The following CHL1 variants were observed in gnomAD, a reference collection of about 807,000 sequenced individuals.
CHL1 encodes neural cell adhesion molecule L1-like protein.
A neutral mutation model predicts 141.9 loss-of-function variants in CHL1; 96 were observed. The observed-to-expected ratio is 0.68, with a 90% CI of 0.57 to 0.80. The LOEUF is 0.80. CHL1 is among the 30% of genes least tolerant of loss of function. CHL1 has a pLI of 0.00. For synonymous variants in CHL1, 613 were observed against 502.2 expected (o/e 1.22, Z -2.95); for missense variants, 1,820 against 1,457.2 (o/e 1.25, Z -4.05).
At chr3:228,937 C>A (rs1369851812) in intron 1 of CHL1, among the ~76,000 whole-genome samples, 1 of 152,074 alleles carries the variant, frequency 6.6e-6, no homozygotes, top group Non-Finnish European at 1.5e-5. Flanking sequence ...GAAAAAAAAA[C>A]TGATTTAAAT....
At chr3:339,258 T>C (rs1702175857) in intron 5 of CHL1, among the ~76,000 whole-genome samples, 1 of 152,204 alleles carries the variant, frequency 6.6e-6, no homozygotes, top group Admixed American at 6.5e-5. Context: ...GTCTATAAGG[T>C]GTACTTTCTG....
At chr3:403,665 C>G (rs1709318952) in intron 27 of CHL1, among the ~76,000 whole-genome samples, 1 of 152,124 alleles carries the variant, frequency 6.6e-6, no homozygotes, top group Non-Finnish European at 1.5e-5. Flanking sequence ...ACCCATTTCC[C>G]CACACCCTGC....
rs149901151 is a variant in CHL1 at position 350,641 on chromosome 3, T to A, written c.1033+1098T>A. Reference sequence around the variant, plus strand: ...AAAAGGACTCAGACACAAATTCTCCTCCCAAGTAAATGTTAACACAGTTGA... The same window carrying A: ...AAAAGGACTCAGACACAAATTCTCCACCCAAGTAAATGTTAACACAGTTGA... On this transcript the variant is annotated intron_variant, in intron 10 of 27. Coordinates refer to ENST00000256509, the MANE Select transcript of CHL1 (RefSeq NM_006614.4). 9.5e-3 allele frequency among the ~76,000 whole-genome samples: 1,444 copies of A among 151,490 alleles called. 26 individuals carry two copies. Among genetic ancestry groups the A allele is most frequent in the African/African-American group, 0.033 (1,348 of 41,404 alleles).
chr3:371,799 T>C (rs4002782), intron 15 of CHL1, among the ~76,000 whole-genome samples: 43,401 of 152,132 alleles, frequency 0.29, 7,604 homozygotes, highest in South Asian at 0.45. Context: ...AAGGCAGGCC[T>C]GGTGGTAATG....
At chr3:388,580 A>G (rs1320234017) in intron 19 of CHL1, among the ~76,000 whole-genome samples, 1 of 152,164 alleles carries the variant, frequency 6.6e-6, no homozygotes, top group Non-Finnish European at 1.5e-5. Context: ...AACGAAAAAA[A>G]AAGTTATTCC....
At chr3:402,762 C>T (rs3895836) in intron 27 of CHL1, among the ~76,000 whole-genome samples, 2,913 of 151,762 alleles carry the variant, frequency 0.019, 78 homozygotes, top group African/African-American at 0.064. Flanking sequence ...TAATAAATGA[C>T]TTTAAATTCT....
intron 27 of CHL1, among the ~76,000 whole-genome samples, chr3:404,431 T>C (rs1709374457): frequency 6.6e-6 from 1 of 152,158 alleles, no homozygotes; most frequent in Non-Finnish European, 1.5e-5. Flanking sequence ...ATATGGTGTA[T>C]AGCTTCATAA....
intron 8 of CHL1, among the ~76,000 whole-genome samples, chr3:343,534 A>G (rs1425744502): frequency 1.3e-5 from 2 of 152,122 alleles, no homozygotes; most frequent in Non-Finnish European, 2.9e-5. Context: ...TGATCTTTTT[A>G]TTTAATTCTT....
intron 1 of CHL1, among the ~76,000 whole-genome samples, chr3:241,222 T>C (rs533014939): frequency 6.6e-6 from 1 of 152,314 alleles, no homozygotes; most frequent in South Asian, 2.1e-4. Context: ...AAATTTATCT[T>C]ATAAATAGCT....
chr3:288,273 T>C (rs1697352610), intron 2 of CHL1, among the ~76,000 whole-genome samples: 1 of 152,196 alleles, frequency 6.6e-6, no homozygotes, highest in African/African-American at 2.4e-5. Context: ...ATCTATTATC[T>C]CCTCTCTCTA....
At chr3:199,275 G>T (rs1052964836) in intron 1 of CHL1, among the ~76,000 whole-genome samples, 2 of 152,210 alleles carry the variant, frequency 1.3e-5, no homozygotes, top group African/African-American at 4.8e-5. Context: ...GGATGGGTGT[G>T]AGTACTGGCT....
At chr3:257,361 T>TA (rs1694269299) in intron 2 of CHL1, among the ~76,000 whole-genome samples, 1 of 150,340 alleles carries the variant, frequency 6.7e-6, no homozygotes, top group African/African-American at 2.4e-5. Context: ...TTCTTTTTTT[T>TA]TTTTTTTTGT....
At chr3:239,215 A>T (rs1382306270) in intron 1 of CHL1, among the ~76,000 whole-genome samples, 1 of 152,150 alleles carries the variant, frequency 6.6e-6, no homozygotes, top group African/African-American at 2.4e-5. Flanking sequence ...CTTATCACAG[A>T]GCACCGGCTA....
At chr3:338,129 G>A (rs1273448798) in intron 5 of CHL1, among the ~76,000 whole-genome samples, 1 of 152,116 alleles carries the variant, frequency 6.6e-6, no homozygotes, top group African/African-American at 2.4e-5. Flanking sequence ...CTCCCAAAGT[G>A]CAAACATTCT....
At chr3:363,043 T>A (rs7646853) in intron 13 of CHL1, among the ~76,000 whole-genome samples, 174 bp from the exon 14 acceptor site, 5,603 of 152,276 alleles carry the variant, frequency 0.037, 361 homozygotes, top group African/African-American at 0.13. Context: ...TTTGGGTAGA[T>A]AAGATATACA....
intron 3 of CHL1, among the ~76,000 whole-genome samples, chr3:321,420 G>A (rs536813659): frequency 6.6e-6 from 1 of 152,158 alleles, no homozygotes; most frequent in Non-Finnish European, 1.5e-5. Flanking sequence ...GGAGTCTAAA[G>A]TACCTTCATC....
chr3:238,153 T>C lies in CHL1; in HGVS notation c.-174-6460T>C, dbSNP rs73090644. Reference sequence around the variant, plus strand: ...ATGTATCATTTTCCTTTTTAAAAGATACAGTCATTCAAATTTGTATTGAGT... The same window carrying C: ...ATGTATCATTTTCCTTTTTAAAAGACACAGTCATTCAAATTTGTATTGAGT... On this transcript the variant is annotated intron_variant, in intron 1 of 27. Transcript: ENST00000256509. Among the ~76,000 whole-genome samples the C allele has an allele frequency of 7.7e-4, 117 of 152,312 alleles. 1 individual carries two copies. Among genetic ancestry groups the C allele is most frequent in the African/African-American group, 2.7e-3 (112 of 41,580 alleles).
intron 1 of CHL1, among the ~76,000 whole-genome samples, chr3:242,701 G>GAC (rs1446338719): frequency 1.3e-5 from 2 of 151,542 alleles, no homozygotes; most frequent in Non-Finnish European, 2.9e-5. Context: ...CACACACAGA[G>GAC]AGAGAGAGAG....
At chr3:378,270 G>A (rs1813732) in intron 16 of CHL1, among the ~76,000 whole-genome samples, 1 of 152,068 alleles carries the variant, frequency 6.6e-6, no homozygotes, top group Non-Finnish European at 1.5e-5. Context: ...AAAGAAATGG[G>A]GCTGAGGAAT....
Sources: allele counts gnomAD v4.1 joint callset (sites outside exome capture counted in the v4.1 genomes callset), GRCh38; gene constraint gnomAD v4.1.1; transcripts MANE v1.5; gene names NCBI Gene and HGNC (gene_info 2026-07-23, HGNC 2026-07-21).